SLC35F4: variants seen among roughly 807,000 people sequenced by gnomAD.
The protein encoded by SLC35F4 is chromosome 14 open reading frame 36.
A neutral mutation model predicts 44.2 loss-of-function variants in SLC35F4; 24 were observed. That is an observed-to-expected ratio of 0.54 (90% CI 0.39 to 0.76). SLC35F4 has a LOEUF of 0.76. Among genes scored for constraint, SLC35F4 ranks in the 30% least tolerant of loss-of-function variants. The pLI, the probability that SLC35F4 is intolerant of heterozygous loss-of-function variation, is 0.00. For synonymous variants in SLC35F4, 238 were observed against 223.6 expected, an observed-to-expected ratio of 1.06 and a Z score of -0.57; for missense variants, 562 against 586.1, an observed-to-expected ratio of 0.96 and a Z score of 0.42.
At chr14:57,759,889 T>TTTTG (rs1555384546) in intron 1 of SLC35F4, among the ~76,000 whole-genome samples, 9 of 151,908 alleles carry the variant, frequency 5.9e-5, no homozygotes, top group African/African-American at 2.2e-4. Context: ...TGTTTTTTTT[T>TTTTG]TTTGTTTGCT....
intron 1 of SLC35F4, among the ~76,000 whole-genome samples, chr14:57,918,404 T>A (rs1889374397): frequency 1.3e-5 from 2 of 152,164 alleles, no homozygotes; most frequent in South Asian, 4.1e-4. Flanking sequence ...TCTTTCCAAT[T>A]TGGGAGGCGG....
intron 1 of SLC35F4, among the ~76,000 whole-genome samples, chr14:57,965,837 T>C (rs1162035483): frequency 6.6e-6 from 1 of 152,182 alleles, no homozygotes; most frequent in Non-Finnish European, 1.5e-5. Context: ...CAAAGATGTT[T>C]AACCACGAAG....
At chr14:57,786,883 G>A (rs57090716) in intron 1 of SLC35F4, among the ~76,000 whole-genome samples, 43,522 of 151,940 alleles carry the variant, frequency 0.29, 6,854 homozygotes, top group Admixed American at 0.4. Context: ...AATCATATTA[G>A]TTCAGCAGCA....
rs2071343727 is a variant in SLC35F4 at position 57,609,141 on chromosome 14, T to C, written c.104-15017A>G. Among the ~76,000 whole-genome samples, 3 of 152,180 alleles carry C rather than the reference T, an allele frequency of 2.0e-5. 1 individual carries two copies. In the South Asian group the frequency reaches 6.2e-4, roughly 32 times the overall value. On this transcript the variant is annotated intron_variant, in intron 1 of 7. Coordinates refer to ENST00000556826, the MANE Select transcript of SLC35F4 (RefSeq NM_001306087.2). ...TGCGGGAGGTAGGGACAGACATGTA[T>C]GCAGATGGATGCATGGATGGATCGA...
At chr14:57,822,469 A>T (rs931276324) in intron 1 of SLC35F4, among the ~76,000 whole-genome samples, 8 of 152,190 alleles carry the variant, frequency 5.3e-5, no homozygotes. Flanking sequence ...AAGGTAAACT[A>T]GGTTATTCTC....
At chr14:57,634,664 G>T (rs1464659821) in intron 1 of SLC35F4, among the ~76,000 whole-genome samples, 3 of 152,012 alleles carry the variant, frequency 2.0e-5, no homozygotes, top group Admixed American at 2.0e-4. Context: ...GATGAGATTT[G>T]GATTTTTTTT....
At chr14:57,848,979 CAA>C (rs948900836) in intron 1 of SLC35F4, among the ~76,000 whole-genome samples, 49 of 152,216 alleles carry the variant, frequency 3.2e-4, no homozygotes, top group African/African-American at 1.1e-3. Context: ...GAATCTGACC[CAA>C]GAGTCTCATG....
intron 1 of SLC35F4, among the ~76,000 whole-genome samples, chr14:57,786,181 A>G (rs1008289348): frequency 6.6e-6 from 1 of 152,092 alleles, no homozygotes; most frequent in Non-Finnish European, 1.5e-5. Flanking sequence ...ATGACTCAGC[A>G]GAGGCAGCCA....
intron 1 of SLC35F4, among the ~76,000 whole-genome samples, chr14:57,844,888 G>T (rs182548683): frequency 1.3e-5 from 2 of 152,150 alleles, no homozygotes; most frequent in Admixed American, 1.3e-4. Flanking sequence ...TAGTAGAGGG[G>T]TCTCTCTGTC....
intron 1 of SLC35F4, among the ~76,000 whole-genome samples, chr14:57,891,926 G>A (rs1009351226): frequency 2.0e-5 from 3 of 151,508 alleles, no homozygotes; most frequent in Non-Finnish European, 2.9e-5. Context: ...AGTCTTTCTG[G>A]GTCAGTAGTT....
At chr14:57,942,950 G>A (rs1381389752) in intron 1 of SLC35F4, among the ~76,000 whole-genome samples, 1 of 152,148 alleles carries the variant, frequency 6.6e-6, no homozygotes, top group Admixed American at 6.5e-5. Flanking sequence ...ATTGGTTCAA[G>A]GTCACATACT....
intron 1 of SLC35F4, among the ~76,000 whole-genome samples, chr14:57,730,761 G>A (rs529972634): frequency 6.6e-6 from 1 of 152,044 alleles, no homozygotes; most frequent in Non-Finnish European, 1.5e-5. Context: ...CTTCTGCAGC[G>A]ACAGGTACCT....
intron 1 of SLC35F4, among the ~76,000 whole-genome samples, chr14:57,934,392 G>A (rs1036528755): frequency 2.0e-5 from 3 of 149,306 alleles, no homozygotes; most frequent in Non-Finnish European, 3.0e-5. Context: ...GAATACCTCC[G>A]GAACATGAAG....
chr14:57,616,225 T>C (rs1178988864), intron 1 of SLC35F4, among the ~76,000 whole-genome samples: 1 of 152,340 alleles, frequency 6.6e-6, no homozygotes, highest in Non-Finnish European at 1.5e-5. Flanking sequence ...TTTAATAGTA[T>C]TTTTCTTGAT....
intron 1 of SLC35F4, among the ~76,000 whole-genome samples, chr14:57,789,099 G>T (rs1490420005): frequency 6.6e-6 from 1 of 151,886 alleles, no homozygotes; most frequent in Non-Finnish European, 1.5e-5. Context: ...ACAATTAAAA[G>T]AACTAGAGCA....
At chr14:57,898,021 G>A (rs1888919141) in intron 1 of SLC35F4, among the ~76,000 whole-genome samples, 1 of 152,148 alleles carries the variant, frequency 6.6e-6, no homozygotes, top group African/African-American at 2.4e-5. Flanking sequence ...AATGAAACTG[G>A]TAGCAGCAAA....
intron 1 of SLC35F4, chr14:57,630,499 A>T: frequency 9.5e-7 from 1 of 1,051,686 alleles, no homozygotes; most frequent in South Asian, 1.2e-5. Context: ...CTAGGTCTGC[A>T]TCTCACACCA....
rs1400932395 is a variant in SLC35F4 at position 57,589,331 on chromosome 14, A to T, written c.472T>A (p.Cys158Ser). 6.2e-7 allele frequency: 1 copy of T among 1,613,898 alleles called. No homozygotes were observed. Among genetic ancestry groups the T allele is most frequent in the Non-Finnish European group, 8.5e-7 (1 of 1,179,902 alleles). The change falls in exon 3 of 8, where the codon TGC becomes AGC. Residue 158 changes from cysteine to serine, a missense_variant. Cys to Ser is a moderately radical substitution (Grantham distance 112). Transcript: ENST00000556826. ...IVKITYKNFY[C>S]PFFMTWFSTN... ...GAAAACCAAGTCATGAAAAATGGGC[A>T]ATAGAAGTTCTTATAAGTAATTTTT...
At chr14:57,833,245 G>A (rs1884565104) in intron 1 of SLC35F4, among the ~76,000 whole-genome samples, 2 of 152,150 alleles carry the variant, frequency 1.3e-5, no homozygotes, top group South Asian at 2.1e-4. Flanking sequence ...TCCCTAATGA[G>A]ATTACCTTAA....
Sources: allele counts gnomAD v4.1 joint callset (sites outside exome capture counted in the v4.1 genomes callset), GRCh38; gene constraint gnomAD v4.1.1; transcripts MANE v1.5; gene names NCBI Gene and HGNC (gene_info 2026-07-23, HGNC 2026-07-21).